The following NAT1 variants were observed in gnomAD, a reference collection of about 807,000 sequenced individuals.
NAT1 encodes arylamine N-acetyltransferase 1.
For missense variants in NAT1, 400 were observed against 339.2 expected (o/e 1.18, Z -1.41); for synonymous variants, 144 against 122.6 (o/e 1.17, Z -1.16).
intron 2 of NAT1, among the ~76,000 whole-genome samples, chr8:18,182,316 C>G (rs544288166): frequency 7.9e-5 from 12 of 152,290 alleles, no homozygotes; most frequent in African/African-American, 2.9e-4. Context: ...TCCAATGTAT[C>G]AGTCTTTTTT....
intron 2 of NAT1, among the ~76,000 whole-genome samples, chr8:18,173,177 CA>C (rs1554466045): frequency 6.7e-6 from 1 of 150,076 alleles, no homozygotes; most frequent in Admixed American, 6.7e-5. Flanking sequence ...CACACACACA[CA>C]ATGATCATGT....
At chr8:18,170,905 C>G (rs530034241) in intron 2 of NAT1, among the ~76,000 whole-genome samples, 1 of 147,136 alleles carries the variant, frequency 6.8e-6, no homozygotes, top group Admixed American at 6.8e-5. Context: ...TTTTTTTTTT[C>G]TTTCTTTTTT....
chr8:18,222,493 T>A lies in NAT1; in HGVS notation c.446T>A (p.Val149Asp). The A allele has an allele frequency of 6.2e-7, 1 of 1,614,112 alleles. No individual in the cohort carries two copies. The highest frequency in any genetic ancestry group is 8.5e-7 in the Non-Finnish European group (1 of 1,180,014). Residue 149 changes from valine (V) to aspartate (D), a missense_variant, in exon 3 of 3, where the codon GTC (valine) becomes GAC (aspartate). By Grantham distance (152) the Val-to-Asp change is radical. Transcript: ENST00000307719. ...AAGGATCAGCCTCAGGTGCCTTGTGTCTTCCGTTTGACGGAAGAGAATGGA... is the reference window on the plus strand; with the variant it reads ...AAGGATCAGCCTCAGGTGCCTTGTGACTTCCGTTTGACGGAAGAGAATGGA... ...SGKDQPQVPCVFRLTEENGFW... is the reference protein window; with the variant it reads ...SGKDQPQVPCDFRLTEENGFW...
chr8:18,209,329 G>A (rs1289914733), upstream of NAT1, among the ~76,000 whole-genome samples: 2 of 152,202 alleles, frequency 1.3e-5, no homozygotes, highest in Non-Finnish European at 2.9e-5. Context: ...ACTCACTGGT[G>A]GAATGTTCTC....
chr8:18,188,128 A>G (rs1454374030), intron 2 of NAT1, among the ~76,000 whole-genome samples: 1 of 152,194 alleles, frequency 6.6e-6, no homozygotes, highest in Non-Finnish European at 1.5e-5. Flanking sequence ...ACCTGAGCAA[A>G]ACAGAACACT....
chr8:18,204,780 TAAAA>T (rs962524659), intron 2 of NAT1, among the ~76,000 whole-genome samples: 6 of 152,278 alleles, frequency 3.9e-5, no homozygotes, highest in Admixed American at 2.6e-4. Flanking sequence ...ACAAAGTGTA[TAAAA>T]AAAGTAAGAT....
chr8:18,208,895 G>A (rs566632232), upstream of NAT1, among the ~76,000 whole-genome samples: 3 of 152,328 alleles, frequency 2.0e-5, no homozygotes, highest in East Asian at 3.9e-4. Flanking sequence ...GTGGCCTTCC[G>A]CCAGACCCTA....
intron 2 of NAT1, among the ~76,000 whole-genome samples, chr8:18,198,549 C>T (rs770046710): frequency 1.3e-5 from 2 of 152,306 alleles, no homozygotes; most frequent in East Asian, 3.9e-4. Context: ...AAACTGAAAT[C>T]GAACTTGTGT....
intron 2 of NAT1, among the ~76,000 whole-genome samples, chr8:18,187,637 G>A (rs1205130333): frequency 6.6e-6 from 1 of 151,966 alleles, no homozygotes; most frequent in Non-Finnish European, 1.5e-5. Flanking sequence ...CCACTTATAA[G>A]TGGGAATTAA....
rs565980621 is a variant in NAT1 at position 18,188,678 on chromosome 8, G to A, written n.92+17939G>A. ...TTAAATGAAATTTAATTTTTTAATTGATATGTAATAGATATACCTACTTTT... is the reference window on the plus strand; with the variant it reads ...TTAAATGAAATTTAATTTTTTAATTAATATGTAATAGATATACCTACTTTT... On this transcript the variant is annotated intron_variant and non_coding_transcript_variant, in intron 2 of 4. Transcript: ENST00000517441. Among the ~76,000 whole-genome samples the A allele has an allele frequency of 7.9e-4, 119 of 151,344 alleles. 1 individual carries two copies. Among genetic ancestry groups the A allele is most frequent in the African/African-American group, 2.8e-3 (116 of 41,276 alleles).
chr8:18,182,320 C>G (rs1022500786), intron 2 of NAT1, among the ~76,000 whole-genome samples: 2 of 152,076 alleles, frequency 1.3e-5, no homozygotes, highest in Non-Finnish European at 2.9e-5. Context: ...ATGTATCAGT[C>G]TTTTTTTATA....
chr8:18,185,579 A>G (rs1367518727), intron 2 of NAT1, among the ~76,000 whole-genome samples: 1 of 152,086 alleles, frequency 6.6e-6, no homozygotes, highest in Non-Finnish European at 1.5e-5. Context: ...GGGTTTATCC[A>G]TATTACTAGT....
intron 1 of NAT1, among the ~76,000 whole-genome samples, chr8:18,217,221 A>G (rs1442226480): frequency 6.6e-6 from 1 of 152,244 alleles, no homozygotes; most frequent in Non-Finnish European, 1.5e-5. Flanking sequence ...TTTCTACAAC[A>G]GCCTGCCAGT....
At chr8:18,182,494 A>G (rs1291691084) in intron 2 of NAT1, among the ~76,000 whole-genome samples, 1 of 152,120 alleles carries the variant, frequency 6.6e-6, no homozygotes, top group African/African-American at 2.4e-5. Flanking sequence ...ATTTTTGCTT[A>G]TGGTGTGAGC....
intron 2 of NAT1, among the ~76,000 whole-genome samples, chr8:18,188,791 T>C (rs892766286): frequency 1.5e-4 from 23 of 151,300 alleles, no homozygotes; most frequent in Admixed American, 9.2e-4. Context: ...GGTTAGGAGT[T>C]CAAGACCAGC....
upstream of NAT1, among the ~76,000 whole-genome samples, chr8:18,208,468 T>C (rs1446915739): frequency 6.6e-6 from 1 of 152,212 alleles, no homozygotes; most frequent in African/African-American, 2.4e-5. Flanking sequence ...TGCATTTCTT[T>C]ACACCAGTAA....
intron 2 of NAT1, among the ~76,000 whole-genome samples, chr8:18,221,512 G>A (rs745937405): frequency 2.6e-5 from 4 of 152,016 alleles, no homozygotes; most frequent in Non-Finnish European, 1.5e-5. Context: ...GCAAGCACTA[G>A]AACAGTAGGA....
intron 2 of NAT1, among the ~76,000 whole-genome samples, chr8:18,186,260 T>G (rs1207972055): frequency 1.3e-5 from 2 of 152,184 alleles, no homozygotes; most frequent in Non-Finnish European, 2.9e-5. Context: ...TAGTTCTTTT[T>G]CATTTATCTT....
intron 2 of NAT1, among the ~76,000 whole-genome samples, chr8:18,193,537 A>T (rs1480724349): frequency 6.8e-6 from 1 of 147,710 alleles, no homozygotes; most frequent in African/African-American, 2.5e-5. Flanking sequence ...TACTTTTCAA[A>T]AACATACAGA....
Sources: allele counts gnomAD v4.1 joint callset (sites outside exome capture counted in the v4.1 genomes callset), GRCh38; gene constraint gnomAD v4.1.1; transcripts MANE v1.5; gene names NCBI Gene and HGNC (gene_info 2026-07-23, HGNC 2026-07-21).